Variants in NPFFR2 observed in about 807,000 individuals in gnomAD.
NPFFR2 encodes the protein neuropeptide FF receptor 2, also known as G-protein coupled receptor 74.
Under a neutral mutation model 13.1 loss-of-function variants are expected in NPFFR2, and 15 were observed. That is an observed-to-expected ratio of 1.15 (90% confidence interval 0.77 to 1.76). The LOEUF (loss-of-function observed/expected upper bound fraction) is 1.76. NPFFR2 is among the 40% of genes most tolerant of loss of function. The pLI is 0.00. For synonymous variants in NPFFR2, 190 were observed against 175.7 expected, an observed-to-expected ratio of 1.08 and a Z score of -0.65; for missense variants, 572 against 503.5, an observed-to-expected ratio of 1.14 and a Z score of -1.30.
chr4:72,122,413 CTA>C (rs1354106909), intron 1 of NPFFR2, among the ~76,000 whole-genome samples: 1 of 152,110 alleles, frequency 6.6e-6, no homozygotes, highest in African/African-American at 2.4e-5. Flanking sequence ...TAACAGACAT[CTA>C]CAGAACTCTC....
At chr4:72,133,556 G>T (rs61224147) in intron 2 of NPFFR2, among the ~76,000 whole-genome samples, 1 of 152,068 alleles carries the variant, frequency 6.6e-6, no homozygotes, top group South Asian at 2.1e-4. Context: ...TGTCATTGGT[G>T]ATTTAATAGG....
chr4:72,095,776 C>T (rs1428466716), intron 1 of NPFFR2, among the ~76,000 whole-genome samples: 1 of 152,072 alleles, frequency 6.6e-6, no homozygotes, highest in Non-Finnish European at 1.5e-5. Context: ...AAGATTTTAG[C>T]TGCCTTGGTG....
chr4:72,104,187 G>A (rs1181774346), intron 1 of NPFFR2, among the ~76,000 whole-genome samples: 1 of 152,058 alleles, frequency 6.6e-6, no homozygotes, highest in Non-Finnish European at 1.5e-5. Context: ...GCAGATGAAA[G>A]AACATTCTTT....
chr4:72,048,726 T>C (rs1430402343), intron 1 of NPFFR2, among the ~76,000 whole-genome samples: 4 of 53,056 alleles, frequency 7.5e-5, no homozygotes, highest in Non-Finnish European at 1.7e-4. Flanking sequence ...GGTCAAAATG[T>C]GAAATAACTT....
At chr4:72,107,216 C>G (rs1721441961) in intron 1 of NPFFR2, among the ~76,000 whole-genome samples, 1 of 151,604 alleles carries the variant, frequency 6.6e-6, no homozygotes, top group Admixed American at 6.6e-5. Context: ...ATTTAATAGA[C>G]TCCTGCTCAC....
intron 3 of NPFFR2, among the ~76,000 whole-genome samples, chr4:72,145,883 G>T (rs777705721): frequency 6.6e-6 from 1 of 152,100 alleles, no homozygotes; most frequent in African/African-American, 2.4e-5. Context: ...ATGTTACACA[G>T]TTGCATAATA....
intron 2 of NPFFR2, among the ~76,000 whole-genome samples, chr4:72,134,726 A>G (rs926808819): frequency 1.3e-5 from 2 of 152,118 alleles, no homozygotes; most frequent in Non-Finnish European, 2.9e-5. Context: ...TCTCTTGTCA[A>G]TACCTTTAAA....
intron 1 of NPFFR2, among the ~76,000 whole-genome samples, chr4:72,115,082 A>G (rs1195230621): frequency 6.6e-6 from 1 of 152,208 alleles, no homozygotes; most frequent in African/African-American, 2.4e-5. Flanking sequence ...ACATTTGATT[A>G]TTAATATTGC....
At chr4:72,130,663 A>C (rs547900321) in intron 2 of NPFFR2, among the ~76,000 whole-genome samples, 16 of 152,000 alleles carry the variant, frequency 1.1e-4, no homozygotes, top group Non-Finnish European at 1.8e-4. Context: ...TGGGAGGGGG[A>C]GCATGCAGGT....
intron 1 of NPFFR2, among the ~76,000 whole-genome samples, chr4:72,095,332 C>G (rs1721034203): frequency 6.6e-6 from 1 of 152,080 alleles, no homozygotes; most frequent in South Asian, 2.1e-4. Flanking sequence ...CATTAGTAGA[C>G]TGAAATCAGT....
In NPFFR2 at chr4:72,039,569, T is replaced by G. The variant is rs187680056; in HGVS notation, c.-8+7369T>G. Among the ~76,000 whole-genome samples the G allele has an allele frequency of 3.5e-3, 529 of 152,306 alleles. 1 individual carries two copies. Among genetic ancestry groups the G allele is most frequent in the Non-Finnish European group, 6.2e-3 (424 of 68,018 alleles). ...TGATGACCTTGTGGAAAGCCCTCCA[T>G]GTTGATTGTTATGGATAAAATTCAA... is the stretch of plus-strand genomic sequence containing the variant. On this transcript the variant is annotated intron_variant, in intron 1 of 3. Coordinates refer to ENST00000308744, the MANE Select transcript of NPFFR2 (RefSeq NM_004885.3).
chr4:72,117,482 T>C (rs1721746466), intron 1 of NPFFR2, among the ~76,000 whole-genome samples: 1 of 152,200 alleles, frequency 6.6e-6, no homozygotes, highest in African/African-American at 2.4e-5. Context: ...AACCATAACA[T>C]TACTGAATGT....
Position 72,128,584 on chromosome 4 carries a change from G to T in NPFFR2, c.-7-1G>T, listed in dbSNP as rs1722137027. On this transcript the variant is annotated splice_acceptor_variant, in intron 1 of 3. Coordinates refer to ENST00000308744, the MANE Select transcript of NPFFR2 (RefSeq NM_004885.3). LOFTEE classifies it low-confidence loss of function (5UTR_SPLICE). ...TTCTTTTCTGTCTCTTCTTTATTAAGGTTCATCATGAATGAGAAATGGGAC... is the reference window on the plus strand; with the variant it reads ...TTCTTTTCTGTCTCTTCTTTATTAATGTTCATCATGAATGAGAAATGGGAC... 6.3e-7 allele frequency: 1 copy of T among 1,578,440 alleles called. No homozygotes were observed. Among genetic ancestry groups the T allele is most frequent in the Non-Finnish European group, 8.6e-7 (1 of 1,156,228 alleles).
chr4:72,050,680 G>A (rs1439367851), intron 1 of NPFFR2, among the ~76,000 whole-genome samples: 1 of 151,862 alleles, frequency 6.6e-6, no homozygotes, highest in Non-Finnish European at 1.5e-5. Flanking sequence ...AGTTACACAT[G>A]TATACATGTG....
intron 1 of NPFFR2, among the ~76,000 whole-genome samples, chr4:72,085,173 T>A (rs115646419): frequency 9.4e-4 from 143 of 152,322 alleles, no homozygotes; most frequent in African/African-American, 3.3e-3. Flanking sequence ...TTAGTACTAT[T>A]TTCCACATTC....
chr4:72,144,415 A>G (rs1043039153), intron 3 of NPFFR2, among the ~76,000 whole-genome samples: 4 of 152,236 alleles, frequency 2.6e-5, no homozygotes, highest in Non-Finnish European at 4.4e-5. Flanking sequence ...AAGGAATAGA[A>G]TTTGGAAGCA....
intron 1 of NPFFR2, among the ~76,000 whole-genome samples, chr4:72,117,932 AAT>A (rs1360141469): frequency 3.9e-5 from 6 of 152,202 alleles, no homozygotes; most frequent in Non-Finnish European, 8.8e-5. Context: ...CCCTAAACAC[AAT>A]ATGAGTAAGG....
intron 1 of NPFFR2, among the ~76,000 whole-genome samples, chr4:72,037,406 A>G (rs201084148): frequency 2.3e-3 from 329 of 141,694 alleles, no homozygotes; most frequent in East Asian, 6.0e-3. Flanking sequence ...CTTGTTTGAA[A>G]AAAAAAAAAA....
chr4:72,128,751 C>A lies in NPFFR2; in HGVS notation c.160C>A (p.Leu54Met), dbSNP rs745827351. The A allele has an allele frequency of 6.2e-7, 1 of 1,614,122 alleles. No homozygotes were observed. ...AGCAATCTTCATTATTTCCTACTTT[C>A]TGATCTTCTTTTTGTGCATGATGGG... ...VAAIFIISYF[L>M]IFFLCMMGNT... The change falls in exon 2 of 4, where the codon CTG (leucine) becomes ATG (methionine). Residue 54 changes from leucine to methionine, a missense_variant. Coordinates refer to ENST00000308744, the MANE Select transcript of NPFFR2 (RefSeq NM_004885.3).
Sources: allele counts gnomAD v4.1 joint callset (sites outside exome capture counted in the v4.1 genomes callset), GRCh38; gene constraint gnomAD v4.1.1; transcripts MANE v1.5; gene names NCBI Gene and HGNC (gene_info 2026-07-23, HGNC 2026-07-21).